The following ADCK1 variants were observed in gnomAD, a reference collection of about 807,000 sequenced individuals.
ADCK1 encodes aarF domain-containing protein kinase 1.
ADCK1 carries 41 observed loss-of-function variants against 52.3 expected under a neutral mutation model. The observed-to-expected ratio is 0.78, with a 90% CI of 0.61 to 1.02. The LOEUF (loss-of-function observed/expected upper bound fraction) is 1.02, where lower values mean the gene tolerates loss of function less well. Ranked by LOEUF, ADCK1 falls within the 50% of genes least tolerant of loss-of-function variation. The pLI, the probability that ADCK1 is intolerant of heterozygous loss-of-function variation, is 0.00. For missense variants in ADCK1, 658 were observed against 679.5 expected, an observed-to-expected ratio of 0.97 and a Z score of 0.35; for synonymous variants, 250 against 274.6, an observed-to-expected ratio of 0.91 and a Z score of 0.89.
At chr14:77,892,826 T>C (rs1169917309) in intron 5 of ADCK1, among the ~76,000 whole-genome samples, 2 of 152,146 alleles carry the variant, frequency 1.3e-5, no homozygotes, top group Non-Finnish European at 2.9e-5. Context: ...CTTGGGGTTG[T>C]GTTAGCCAGG....
At chr14:77,809,679 C>T (rs1762703013) in intron 1 of ADCK1, among the ~76,000 whole-genome samples, 2 of 151,782 alleles carry the variant, frequency 1.3e-5, no homozygotes, top group Non-Finnish European at 2.9e-5. Context: ...TCCTTAGGTG[C>T]TAGGAGTTTT....
intron 3 of ADCK1, among the ~76,000 whole-genome samples, chr14:77,836,129 C>T (rs1157269314): frequency 6.6e-6 from 1 of 152,216 alleles, no homozygotes; most frequent in Non-Finnish European, 1.5e-5. Context: ...TACCTTCCCT[C>T]TCTCCCTCTC....
At chr14:77,844,046 A>G (rs1156261894) in intron 3 of ADCK1, among the ~76,000 whole-genome samples, 11 of 152,094 alleles carry the variant, frequency 7.2e-5, no homozygotes, top group Admixed American at 7.2e-4. Context: ...CCAGGATGTG[A>G]ATGACTGATC....
rs560956761 is a variant in ADCK1 at position 77,891,436 on chromosome 14, A to G, written c.582+4187A>G. ...GCTGCCTCTGCGTAGTAAAGCCATCAGGGCCCACTTGGACAGTGAGGACAG... is the reference window on the plus strand; with the variant it reads ...GCTGCCTCTGCGTAGTAAAGCCATCGGGGCCCACTTGGACAGTGAGGACAG... On this transcript the variant is annotated intron_variant, in intron 5 of 10. Transcript: ENST00000238561. Among the ~76,000 whole-genome samples the G allele has an allele frequency of 3.3e-5, 5 of 152,354 alleles. No individual in the cohort carries two copies. The South Asian group carries it at 1.0e-3, about 32-fold the overall frequency.
chr14:77,931,656 G>A lies in ADCK1; in HGVS notation c.1345G>A (p.Ala449Thr), dbSNP rs762424531. ...RGIEAALGTR[A>T]SASSFLNMSR... ...CATTGAGGCCGCCCTGGGCACCCGC[G>A]CCAGCGCCAGCTCCTTTCTCAACAT... Residue 449 changes from alanine to threonine, a missense_variant, in exon 10 of 11, where the codon GCC (alanine) becomes ACC (threonine). Transcript: ENST00000238561. 9 of 1,609,950 alleles carry A rather than the reference G, an allele frequency of 5.6e-6. No homozygotes were observed. The African/African-American group carries it at 9.3e-5, about 17-fold the overall frequency.
At chr14:77,930,073 C>G in intron 9 of ADCK1, among the ~76,000 whole-genome samples, 1 of 152,148 alleles carries the variant, frequency 6.6e-6, no homozygotes, top group Non-Finnish European at 1.5e-5. Flanking sequence ...GAGCTGTCCC[C>G]CGGTAGTAGC....
intron 5 of ADCK1, among the ~76,000 whole-genome samples, chr14:77,897,248 C>T (rs1424502395): frequency 6.6e-6 from 1 of 152,196 alleles, no homozygotes; most frequent in Non-Finnish European, 1.5e-5. Context: ...CAATGTTCTC[C>T]CCAGGCCTGG....
At chr14:77,896,451 AC>A (rs1172994783) in intron 5 of ADCK1, among the ~76,000 whole-genome samples, 6 of 152,188 alleles carry the variant, frequency 3.9e-5, no homozygotes, top group Non-Finnish European at 8.8e-5. Context: ...CTCGGGCGAG[AC>A]CCTCTGGAGT....
chr14:77,804,982 G>A (rs1035320201), intron 1 of ADCK1, among the ~76,000 whole-genome samples: 1 of 151,998 alleles, frequency 6.6e-6, no homozygotes, highest in Non-Finnish European at 1.5e-5. Context: ...TGGGGTAGGC[G>A]GATCACCTGA....
intron 2 of ADCK1, chr14:77,821,126 A>G (rs2081573479): frequency 6.6e-6 from 1 of 152,226 alleles, no homozygotes; most frequent in Non-Finnish European, 1.5e-5. Flanking sequence ...AGATAACTCA[A>G]TACCTTCAGG....
intron 3 of ADCK1, among the ~76,000 whole-genome samples, chr14:77,847,391 C>CA (rs535833179): frequency 3.1e-4 from 47 of 152,204 alleles, no homozygotes; most frequent in African/African-American, 1.1e-3. Flanking sequence ...GCCAACATGG[C>CA]AAAACCCCAT....
At chr14:77,801,832 C>T (rs1297378010) in intron 1 of ADCK1, among the ~76,000 whole-genome samples, 1 of 152,020 alleles carries the variant, frequency 6.6e-6, no homozygotes, top group Non-Finnish European at 1.5e-5. Flanking sequence ...GTCCCAGCTA[C>T]TTGGGAGGCT....
intron 4 of ADCK1, among the ~76,000 whole-genome samples, chr14:77,882,675 G>A (rs2083054282): frequency 1.3e-5 from 2 of 152,198 alleles, no homozygotes; most frequent in Admixed American, 6.5e-5. Context: ...CTCAGGAGGC[G>A]TCGTGTGGTT....
At position 77,919,105 on chromosome 14, in the gene ADCK1, G is replaced by A. The variant is rs1427130644; in HGVS notation, c.859-5352G>A. On this transcript the variant is annotated intron_variant, in intron 7 of 10. Transcript: ENST00000238561. The stretch of plus-strand genomic sequence containing the variant: ...TTTCACTCTTGTTGCCCAGGCTGGA[G>A]TGCAATGGTGTGATCTTGGCTCACT... 2.6e-5 allele frequency among the ~76,000 whole-genome samples: 4 copies of A among 152,176 alleles called. No homozygotes were observed. In the East Asian group the frequency reaches 7.7e-4, roughly 29 times the overall value.
rs200749503 is a variant in ADCK1, at chr14:77,822,462, A to G, written c.163A>G (p.Thr55Ala). Reference protein sequence around the residue: ...TTAVISYDYLTSLKSVPYGSE... With the variant: ...TTAVISYDYLASLKSVPYGSE... The stretch of plus-strand genomic sequence containing the variant: ...GGCTGTCATCAGTTACGACTACCTC[A>G]CTTCCCTGAAGAGTGTCCCTTATGG... Residue 55 changes from threonine to alanine, a missense_variant, in exon 3 of 11, where the codon ACT becomes GCT. Physicochemically the swap from Thr to Ala is moderately conservative, Grantham distance 58. Coordinates refer to ENST00000238561, the MANE Select transcript of ADCK1 (RefSeq NM_020421.4). The G allele has an allele frequency of 6.8e-6, 11 of 1,613,984 alleles. No individual in the cohort carries two copies. The highest frequency in any genetic ancestry group is 9.3e-6 in the Non-Finnish European group (11 of 1,180,000).
intron 4 of ADCK1, among the ~76,000 whole-genome samples, chr14:77,864,514 T>C (rs1246368355): frequency 7.2e-5 from 11 of 151,838 alleles, no homozygotes; most frequent in Admixed American, 5.2e-4. Context: ...TGGGAGGGGG[T>C]AAAAGGTGCC....
At chr14:77,919,079 G>A (rs1419130126) in intron 7 of ADCK1, among the ~76,000 whole-genome samples, 1 of 152,120 alleles carries the variant, frequency 6.6e-6, no homozygotes, top group Non-Finnish European at 1.5e-5. Flanking sequence ...TTGAGATGGA[G>A]TTTCACTCTT....
chr14:77,893,091 C>G (rs1350737900), intron 5 of ADCK1, among the ~76,000 whole-genome samples: 1 of 152,168 alleles, frequency 6.6e-6, no homozygotes, highest in Non-Finnish European at 1.5e-5. Flanking sequence ...GTTTTTTCAG[C>G]TTTGTCATTA....
chr14:77,847,022 C>T (rs2082185057), intron 3 of ADCK1, among the ~76,000 whole-genome samples: 1 of 152,074 alleles, frequency 6.6e-6, no homozygotes, highest in African/African-American at 2.4e-5. Flanking sequence ...AGGCGTGGCA[C>T]GGAGAATGGG....
Sources: allele counts gnomAD v4.1 joint callset (sites outside exome capture counted in the v4.1 genomes callset), GRCh38; gene constraint gnomAD v4.1.1; transcripts MANE v1.5; gene names NCBI Gene and HGNC (gene_info 2026-07-23, HGNC 2026-07-21).